The following NF2 variants were observed in gnomAD, a reference collection of about 807,000 sequenced individuals.
NF2 encodes the protein merlin.
Under a neutral mutation model 83.7 loss-of-function variants are expected in NF2, and 8 were observed. That is an observed-to-expected ratio of 0.10 (90% CI 0.06 to 0.17). NF2 has a LOEUF of 0.17. Among genes scored for constraint, NF2 ranks in the 10% least tolerant of loss-of-function variants. NF2 has a pLI of 1.00. For synonymous variants in NF2, 266 were observed against 269.6 expected (o/e 0.99, Z 0.13); for missense variants, 533 against 744.4 (o/e 0.72, Z 3.31).
chr22:29,622,975 T>C lies in NF2; in HGVS notation c.115-13776T>C, dbSNP rs1272263523. Among the ~76,000 whole-genome samples the C allele has an allele frequency of 7.8e-5, 11 of 141,236 alleles. No individual in the cohort carries two copies. The East Asian group carries it at 1.5e-3, about 19-fold the overall frequency. The allele number at this position is 141,236 out of a possible 152,430, so 92.7% of individuals were successfully genotyped here. A position where few individuals can be genotyped will look rare whatever the true frequency, so the allele number is the denominator to read the frequency against. On this transcript the variant is annotated intron_variant, in intron 1 of 15. Transcript: ENST00000338641. ...GGCCTTTTTTTTTTTTTTTTTTTTT[T>C]CGAGATGGGGTCTCACTCAGACTGG...
At chr22:29,625,731 T>A (rs1031165255) in intron 1 of NF2, among the ~76,000 whole-genome samples, 1 of 152,246 alleles carries the variant, frequency 6.6e-6, no homozygotes. Flanking sequence ...CACAAGGTGC[T>A]TGTCCTAGTG....
rs941102161 is a variant in NF2, at chr22:29,695,179, C to A, written c.*377C>A. The A allele has an allele frequency of 9.5e-6, 4 of 419,212 alleles. No individual in the cohort carries two copies. Among genetic ancestry groups the A allele is most frequent in the Non-Finnish European group, 1.8e-5 (4 of 224,594 alleles). The allele number at this position is 419,212 out of a possible 1,614,324, so 26.0% of individuals were successfully genotyped here. On this transcript the variant is annotated 3_prime_UTR_variant, in exon 16 of 16. Coordinates refer to ENST00000338641, the MANE Select transcript of NF2 (RefSeq NM_000268.4). The surrounding 1 kb of genome is among the most constrained non-coding windows in gnomAD (Gnocchi z 5.4). ...CATTGTAGGGAGTGAGACACTGAAGCCCTGAGAAGCCAGTGCCATCATCCC... is the reference window on the plus strand; with the variant it reads ...CATTGTAGGGAGTGAGACACTGAAGACCTGAGAAGCCAGTGCCATCATCCC...
At chr22:29,621,452 T>A (rs1339846818) in intron 1 of NF2, among the ~76,000 whole-genome samples, 1 of 152,138 alleles carries the variant, frequency 6.6e-6, no homozygotes, top group Non-Finnish European at 1.5e-5. Flanking sequence ...ATATAATGGT[T>A]GTTACCTAAA....
intron 1 of NF2, among the ~76,000 whole-genome samples, chr22:29,619,189 C>T (rs2065148092): frequency 6.6e-6 from 1 of 151,828 alleles, no homozygotes; most frequent in Non-Finnish European, 1.5e-5. Flanking sequence ...GGAATACAGG[C>T]ATGTGCCAAC....
At chr22:29,656,363 CTT>C (rs2066306256) in intron 6 of NF2, among the ~76,000 whole-genome samples, 1 of 139,026 alleles carries the variant, frequency 7.2e-6, no homozygotes, top group South Asian at 2.3e-4. Flanking sequence ...AGTGCACAAT[CTT>C]TTATTTTTAT....
At chr22:29,635,598 G>A (rs1195759714) in intron 1 of NF2, among the ~76,000 whole-genome samples, 1 of 152,182 alleles carries the variant, frequency 6.6e-6, no homozygotes, top group African/African-American at 2.4e-5. Flanking sequence ...AAAGTGCTGG[G>A]ATTACAGGTG....
At chr22:29,639,380 A>G (rs1484774604) in intron 3 of NF2, among the ~76,000 whole-genome samples, 168 bp downstream of exon 3, 2 of 152,204 alleles carry the variant, frequency 1.3e-5, no homozygotes, top group African/African-American at 2.4e-5. Flanking sequence ...GAACAGAACT[A>G]TACTTGAGTG....
chr22:29,675,122 G>A (rs923576323), intron 13 of NF2, among the ~76,000 whole-genome samples, 181 bp downstream of exon 13: 4 of 152,232 alleles, frequency 2.6e-5, no homozygotes, highest in African/African-American at 9.6e-5. Context: ...CTGCCATTTG[G>A]CTTTGGACTA....
At chr22:29,625,182 C>G (rs913610393) in intron 1 of NF2, among the ~76,000 whole-genome samples, 2 of 152,100 alleles carry the variant, frequency 1.3e-5, no homozygotes, top group African/African-American at 4.8e-5. Context: ...GCTCCTCGGC[C>G]TCCCAAAGTG....
chr22:29,628,658 T>C (rs2065431760), intron 1 of NF2, among the ~76,000 whole-genome samples: 1 of 138,914 alleles, frequency 7.2e-6, no homozygotes, highest in African/African-American at 2.7e-5. Context: ...TTTGAGATAG[T>C]CTTGCTCTGT....
intron 13 of NF2, among the ~76,000 whole-genome samples, chr22:29,677,445 C>T (rs1009640715): frequency 6.0e-5 from 9 of 150,622 alleles, no homozygotes; most frequent in South Asian, 2.1e-4. Flanking sequence ...TAGGAGAAGC[C>T]GGGAAGCTAG....
chr22:29,611,339 A>G (rs879786077), intron 1 of NF2, among the ~76,000 whole-genome samples: 2 of 152,094 alleles, frequency 1.3e-5, no homozygotes, highest in African/African-American at 2.4e-5. Context: ...CCTGGCCAAC[A>G]TGGTGAAACC....
chr22:29,662,069 G>A (rs1240666807), intron 8 of NF2, among the ~76,000 whole-genome samples: 1 of 152,094 alleles, frequency 6.6e-6, no homozygotes, highest in East Asian at 1.9e-4. Context: ...ATAATCTTAT[G>A]TTTACTCATC....
At chr22:29,607,900 C>T (rs558475225) in intron 1 of NF2, among the ~76,000 whole-genome samples, 53 of 151,908 alleles carry the variant, frequency 3.5e-4, no homozygotes, top group Non-Finnish European at 6.2e-4. Flanking sequence ...CAGCTGGGCG[C>T]GGTGGCTCAC....
chr22:29,676,228 C>T (rs533546079), intron 13 of NF2, among the ~76,000 whole-genome samples: 7 of 151,876 alleles, frequency 4.6e-5, no homozygotes, highest in South Asian at 4.2e-4. Context: ...GGCTGGAATG[C>T]GGTGGCAGAA....
chr22:29,660,107 G>A (rs761072602), intron 7 of NF2, among the ~76,000 whole-genome samples: 3 of 152,122 alleles, frequency 2.0e-5, no homozygotes, highest in Non-Finnish European at 4.4e-5. Context: ...CTTGTGCAGC[G>A]AGTTTCCTTC....
chr22:29,630,337 A>G (rs963931760), intron 1 of NF2, among the ~76,000 whole-genome samples: 6 of 152,242 alleles, frequency 3.9e-5, no homozygotes, highest in Non-Finnish European at 8.8e-5. Context: ...TTGATAAATT[A>G]CAAGCCCTTC....
At position 29,694,693 on chromosome 22, in the gene NF2, C is replaced by T; in HGVS notation, c.1738-59C>T. 6.4e-7 allele frequency: 1 copy of T among 1,571,380 alleles called. No individual in the cohort carries two copies. Among genetic ancestry groups the T allele is most frequent in the Non-Finnish European group, 8.7e-7 (1 of 1,149,608 alleles). ...GGTGAGTCCAAGTGGCAGGACAGGA[C>T]CCTGTGTGACAGAGCGGAGGTCTTG... On this transcript the variant is annotated intron_variant, in intron 15 of 15. Transcript: ENST00000338641. The surrounding 1 kb of genome is among the most constrained non-coding windows in gnomAD (Gnocchi z 4.1).
intron 15 of NF2, among the ~76,000 whole-genome samples, chr22:29,692,572 C>T (rs1166734389): frequency 1.3e-5 from 2 of 152,242 alleles, no homozygotes; most frequent in Non-Finnish European, 2.9e-5. Flanking sequence ...GCAGGAGCCT[C>T]TCAAGGCCCC....
Sources: allele counts gnomAD v4.1 joint callset (sites outside exome capture counted in the v4.1 genomes callset), GRCh38; gene constraint gnomAD v4.1.1; non-coding constraint Gnocchi (gnomAD v3.1); transcripts MANE v1.5; gene names NCBI Gene and HGNC (gene_info 2026-07-23, HGNC 2026-07-21).